Variants in PINK1 observed in about 807,000 individuals in gnomAD.
PINK1 encodes PTEN induced kinase 1.
PINK1 carries 58 observed loss-of-function variants against 56.0 expected under a neutral mutation model. The observed-to-expected ratio is 1.04, with a 90% CI of 0.84 to 1.29. The LOEUF is 1.29. Ranked by LOEUF, PINK1 falls within the 50% of genes most tolerant of loss-of-function variation. The pLI, the probability that PINK1 is intolerant of heterozygous loss-of-function variation, is 0.00. For missense variants in PINK1, 745 were observed against 777.9 expected (o/e 0.96, Z 0.50); for synonymous variants, 354 against 339.3 (o/e 1.04, Z -0.48).
rs3077906 is a variant in PINK1 at position 20,651,217 on chromosome 1, CAGTA to C, written c.*538_*541del. 292 of 177,774 alleles carry C rather than the reference CAGTA, an allele frequency of 1.6e-3. 1 individual carries two copies. Among genetic ancestry groups the C allele is most frequent in the African/African-American group, 5.5e-3 (235 of 42,428 alleles). The allele number at this position is 177,774 out of a possible 1,614,324, so 11.0% of individuals were successfully genotyped here. A position where few individuals can be genotyped will look rare whatever the true frequency, so the allele number is the denominator to read the frequency against. On this transcript the variant is annotated 3_prime_UTR_variant, in exon 8 of 8. Transcript: ENST00000321556. ...TCACTTAGCGAAAGTGACGGATGAG[CAGTA>C]AGTAAGTAAGTGTGGGGATTTAAAC...
intron 4 of PINK1, among the ~76,000 whole-genome samples, chr1:20,645,079 T>C (rs1304568994): frequency 6.6e-6 from 1 of 152,180 alleles, no homozygotes; most frequent in Non-Finnish European, 1.5e-5. Flanking sequence ...GCCCCAACTC[T>C]TACTTCCTAA....
At position 20,650,713 on chromosome 1, in the gene PINK1, A is replaced by G. The variant is rs1294884158; in HGVS notation, c.*22A>G. Reference sequence around the variant, plus strand: ...GTGATGTCCCTGCATGGAGCTGGTGAATTACTAAAAGAACATGGCATCCTC... The same window carrying G: ...GTGATGTCCCTGCATGGAGCTGGTGGATTACTAAAAGAACATGGCATCCTC... On this transcript the variant is annotated 3_prime_UTR_variant, in exon 8 of 8. Transcript: ENST00000321556. The G allele has an allele frequency of 1.2e-6, 2 of 1,610,860 alleles. No individual in the cohort carries two copies. Among genetic ancestry groups the G allele is most frequent in the Non-Finnish European group, 1.7e-6 (2 of 1,179,648 alleles).
At chr1:20,649,334 C>G (rs1391386882) in intron 7 of PINK1, 103 bp downstream of exon 7, 1 of 1,251,772 alleles carries the variant, frequency 8.0e-7, no homozygotes, top group Non-Finnish European at 1.2e-6. Context: ...GACAGATCCT[C>G]TGTGTTAGGA....
At chr1:20,645,473 G>A in intron 4 of PINK1, 87 bp from the exon 5 acceptor site, 1 of 1,419,576 alleles carries the variant, frequency 7.0e-7, no homozygotes, top group East Asian at 2.4e-5. Flanking sequence ...TGGCGACAGA[G>A]TGAGACTCCA....
chr1:20,644,740 C>T, intron 4 of PINK1, 68 bp downstream of exon 4: 1 of 1,567,728 alleles, frequency 6.4e-7, no homozygotes, highest in Non-Finnish European at 8.7e-7. Context: ...TTCCTGCCCT[C>T]CATGTGCACC....
At position 20,633,644 on chromosome 1, in the gene PINK1, G is replaced by A. The variant is rs1227951477; in HGVS notation, c.96G>A (p.Gly32=). Residue 32 remains glycine (G), a synonymous_variant, in exon 1 of 8, where the codon GGG becomes GGA. Coordinates refer to ENST00000321556, the MANE Select transcript of PINK1 (RefSeq NM_032409.3). ...AGCCCGGCCGGGCCTACGGCTTGGG[G>A]CGGCCGGGCCCGGCGGCGGGCTGTG... is the stretch of plus-strand genomic sequence containing the variant. ...TGKPGRAYGL[G]RPGPAAGCVR... is the part of the protein sequence containing the mutation. The A allele has an allele frequency of 1.4e-5, 18 of 1,328,034 alleles. No homozygotes were observed. In the South Asian group the frequency reaches 3.5e-4, roughly 26 times the overall value. 82.3% of individuals were successfully genotyped at this position (1,328,034 alleles called of 1,614,324 possible). A position where few individuals can be genotyped will look rare whatever the true frequency, so the allele number is the denominator to read the frequency against.
intron 5 of PINK1, among the ~76,000 whole-genome samples, chr1:20,647,189 T>G (rs2053194125): frequency 6.6e-6 from 1 of 151,518 alleles, no homozygotes; most frequent in Non-Finnish European, 1.5e-5. Flanking sequence ...CCCGAGTAGC[T>G]GGGACTACAG....
intron 1 of PINK1, among the ~76,000 whole-genome samples, chr1:20,637,160 G>T (rs1376310900): frequency 6.6e-6 from 1 of 152,226 alleles, no homozygotes; most frequent in Non-Finnish European, 1.5e-5. Flanking sequence ...GAGAGGGAAA[G>T]CGGAGCCTGG....
In PINK1 at chr1:20,649,001, A is replaced by G. The variant is rs775043563; in HGVS notation, c.1258A>G (p.Thr420Ala). 1.3e-5 allele frequency: 21 copies of G among 1,613,132 alleles called. No homozygotes were observed. The South Asian group carries it at 2.2e-4, about 17-fold the overall frequency. Reference sequence around the variant, plus strand: ...ACCCACTGCTTCTGAGCAGGTGTCCACGGCCCGTCCTGGCCCCAGGGCAGT... The same window carrying G: ...ACCCACTGCTTCTGAGCAGGTGTCCGCGGCCCGTCCTGGCCCCAGGGCAGT... Reference protein sequence around the residue: ...NGCLMAPEVSTARPGPRAVID... With the variant: ...NGCLMAPEVSAARPGPRAVID... Residue 420 changes from threonine to alanine, a missense_variant, in exon 7 of 8, where the codon ACG becomes GCG. Coordinates refer to ENST00000321556, the MANE Select transcript of PINK1 (RefSeq NM_032409.3).
Position 20,638,103 on chromosome 1 carries a change from G to T in PINK1, c.649G>T (p.Ala217Ser), listed in dbSNP as rs527713210. The change falls in exon 2 of 8, where the codon GCC becomes TCC. Residue 217 changes from alanine to serine, a missense_variant. Ala to Ser is a moderately conservative substitution (Grantham distance 99). Coordinates refer to ENST00000321556, the MANE Select transcript of PINK1 (RefSeq NM_032409.3). ...TCCGGGGGCCCCTGCCTTCCCCTTG[G>T]CCATCAAGATGATGTGGAACATCTC... ...RAPGAPAFPL[A>S]IKMMWNISAG... 2.5e-6 allele frequency: 4 copies of T among 1,613,106 alleles called. No individual in the cohort carries two copies. The highest frequency in any genetic ancestry group is 3.4e-6 in the Non-Finnish European group (4 of 1,180,006).
intron 7 of PINK1, chr1:20,649,507 A>G: frequency 4.5e-6 from 2 of 446,064 alleles, no homozygotes; most frequent in Non-Finnish European, 8.2e-6. Flanking sequence ...GCTTACACCT[A>G]TAATCACAGC....
At chr1:20,649,930 A>G (rs1338234532) in intron 7 of PINK1, 2 of 221,802 alleles carry the variant, frequency 9.0e-6, no homozygotes, top group Non-Finnish European at 1.8e-5. Flanking sequence ...AATATAAAGG[A>G]ATGCAAAGGC....
Position 20,645,702 on chromosome 1 carries a change from A to G in PINK1, c.1102A>G (p.Ile368Val). Reference sequence around the variant, plus strand: ...GCACAGAGACCTGAAATCCGACAACATCCTTGTGGAGCTGGACCCAGGTAG... The same window carrying G: ...GCACAGAGACCTGAAATCCGACAACGTCCTTGTGGAGCTGGACCCAGGTAG... ...IAHRDLKSDN[I>V]LVELDPDGCP... Residue 368 changes from isoleucine to valine, a missense_variant, in exon 5 of 8, where the codon ATC (isoleucine) becomes GTC (valine). Ile to Val is a conservative substitution (Grantham distance 29, BLOSUM62 3). Transcript: ENST00000321556. 6.2e-7 allele frequency: 1 copy of G among 1,614,024 alleles called. No individual in the cohort carries two copies. Among genetic ancestry groups the G allele is most frequent in the Non-Finnish European group, 8.5e-7 (1 of 1,180,010 alleles).
rs777895210 is a variant in PINK1, at chr1:20,648,995, G to A, written c.1252G>A (p.Val418Met). 22 of 1,612,854 alleles carry A rather than the reference G, an allele frequency of 1.4e-5. No individual in the cohort carries two copies. Among genetic ancestry groups the A allele is most frequent in the Non-Finnish European group, 1.8e-5 (21 of 1,180,018 alleles). ...TGTCTCACCCACTGCTTCTGAGCAG[G>A]TGTCCACGGCCCGTCCTGGCCCCAG... Reference protein sequence around the residue: ...GGNGCLMAPEVSTARPGPRAV... With the variant: ...GGNGCLMAPEMSTARPGPRAV... Residue 418 changes from valine (V) to methionine (M), a missense_variant and splice_region_variant, in exon 7 of 8, where the codon GTG becomes ATG. Coordinates refer to ENST00000321556, the MANE Select transcript of PINK1 (RefSeq NM_032409.3).
rs531653704 is a variant in PINK1 at position 20,646,652 on chromosome 1, T to TA, written c.1123+931dup. The stretch of plus-strand genomic sequence containing the variant: ...AGTGAGAGTCCATCTCAAAATAAAT[T>TA]AATTAATTAATTAAATTTTTCAAAC... On this transcript the variant is annotated intron_variant, in intron 5 of 7. Transcript: ENST00000321556. Among the ~76,000 whole-genome samples the TA allele has an allele frequency of 4.0e-3, 321 of 79,674 alleles. 3 individuals carry two copies. The highest frequency in any genetic ancestry group is 0.011 in the African/African-American group (266 of 24,284). 52.3% of individuals were successfully genotyped at this position (79,674 alleles called of 152,430 possible). A position where few individuals can be genotyped will look rare whatever the true frequency, so the allele number is the denominator to read the frequency against.
rs3077908 is a variant in PINK1, at chr1:20,651,361, A to ATTC, written c.*673_*675dup. ...AACTGAATATTTGGCTTTAAGAATGATTCTTATACTCTGAAGGTGAGAATA... is the reference window on the plus strand; with the variant it reads ...AACTGAATATTTGGCTTTAAGAATGATTCTTCTTATACTCTGAAGGTGAGAATA... On this transcript the variant is annotated 3_prime_UTR_variant, in exon 8 of 8. Transcript: ENST00000321556. The ATTC allele has an allele frequency of 0.37, 57,145 of 154,160 alleles. 10,666 individuals are homozygous for ATTC. The highest frequency in any genetic ancestry group is 0.44 in the Middle Eastern group (130 of 294). The allele number at this position is 154,160 out of a possible 1,614,324, so 9.5% of individuals were successfully genotyped here.
rs1263856381 is a variant in PINK1, at chr1:20,637,985, A to C, written c.531A>C (p.Thr177=). The change falls in exon 2 of 8, where the codon ACA becomes ACC. Residue 177 remains threonine, a synonymous_variant. Transcript: ENST00000321556. The part of the protein sequence containing the change: ...SAAVYEATMP[T]LPQNLEVTKS... ...CTGTGTATGAAGCCACCATGCCTACATTGCCCCAGAACCTGGAGGTGACAA... is the reference window on the plus strand; with the variant it reads ...CTGTGTATGAAGCCACCATGCCTACCTTGCCCCAGAACCTGGAGGTGACAA... 6.2e-7 allele frequency: 1 copy of C among 1,614,052 alleles called. No individual in the cohort carries two copies. Among genetic ancestry groups the C allele is most frequent in the African/African-American group, 1.3e-5 (1 of 74,920 alleles).
At chr1:20,648,404 C>G in intron 5 of PINK1, 101 bp from the exon 6 acceptor site, 1 of 1,551,330 alleles carries the variant, frequency 6.4e-7, no homozygotes, top group Admixed American at 1.9e-5. Context: ...CCATTAGCCC[C>G]TGTCAGCTAT....
At chr1:20,634,086 CA>C in intron 1 of PINK1, 151 bp downstream of exon 1, 1 of 893,146 alleles carries the variant, frequency 1.1e-6, no homozygotes, top group South Asian at 1.7e-5. Context: ...TCTATTTCAC[CA>C]TTACTGATCG....
Sources: allele counts gnomAD v4.1 joint callset (sites outside exome capture counted in the v4.1 genomes callset), GRCh38; gene constraint gnomAD v4.1.1; transcripts MANE v1.5; gene names NCBI Gene and HGNC (gene_info 2026-07-23, HGNC 2026-07-21).